Variants in RASAL2 observed in about 807,000 individuals in gnomAD.
RASAL2 encodes ras GTPase-activating protein nGAP.
RASAL2 carries 58 observed loss-of-function variants against 128.9 expected under a neutral mutation model. The ratio of observed to expected loss-of-function variants is 0.45; its 90% CI spans 0.36 to 0.56. The LOEUF (loss-of-function observed/expected upper bound fraction) is 0.56, where lower values mean the gene tolerates loss of function less well. Among genes scored for constraint, RASAL2 ranks in the 20% least tolerant of loss-of-function variants. The pLI is 0.00. For missense variants in RASAL2, 1,360 were observed against 1,601.6 expected (o/e 0.85, Z 2.57); for synonymous variants, 561 against 580.8 (o/e 0.97, Z 0.49).
chr1:178,472,978 A>G, intron 17 of RASAL2, 97 bp from the exon 18 acceptor site: 1 of 1,409,672 alleles, frequency 7.1e-7, no homozygotes, highest in Non-Finnish European at 9.9e-7. Flanking sequence ...CCATGCATAC[A>G]ACTGTTTGAG....
chr1:178,269,157 A>C (rs540297085), intron 1 of RASAL2, among the ~76,000 whole-genome samples: 1 of 152,340 alleles, frequency 6.6e-6, no homozygotes, highest in Non-Finnish European at 1.5e-5. Context: ...GAGAGGCTCC[A>C]GTGATCTCTC....
chr1:178,222,011 C>T (rs1663632162), intron 1 of RASAL2, among the ~76,000 whole-genome samples: 1 of 152,092 alleles, frequency 6.6e-6, no homozygotes, highest in African/African-American at 2.4e-5. Flanking sequence ...TTTCTTTACC[C>T]CTGATAATTT....
intron 12 of RASAL2, among the ~76,000 whole-genome samples, chr1:178,456,094 G>A (rs1677753909): frequency 6.6e-6 from 1 of 152,202 alleles, no homozygotes; most frequent in African/African-American, 2.4e-5. Flanking sequence ...TGATTTTGCT[G>A]TTAAATTAAC....
At chr1:178,209,671 C>A (rs1209015620) in intron 1 of RASAL2, among the ~76,000 whole-genome samples, 1 of 151,588 alleles carries the variant, frequency 6.6e-6, no homozygotes, top group South Asian at 2.1e-4. Context: ...CTGTTTATAT[C>A]TCCTTTTCTC....
chr1:178,389,008 G>A (rs1007453170), intron 3 of RASAL2, among the ~76,000 whole-genome samples: 1 of 152,216 alleles, frequency 6.6e-6, no homozygotes. Flanking sequence ...GAGAGGGAGC[G>A]AGAGAAAAAA....
chr1:178,270,126 T>G (rs1666176793), intron 1 of RASAL2, among the ~76,000 whole-genome samples: 1 of 152,234 alleles, frequency 6.6e-6, no homozygotes, highest in South Asian at 2.1e-4. Context: ...GTGTTGCTTT[T>G]GAGAAGTCCA....
chr1:178,110,661 T>A (rs1659285588), intron 1 of RASAL2, among the ~76,000 whole-genome samples: 1 of 147,738 alleles, frequency 6.8e-6, no homozygotes, highest in African/African-American at 2.5e-5. Flanking sequence ...TATGTATGTA[T>A]ACTGCAAACT....
intron 1 of RASAL2, 131 bp downstream of exon 1, chr1:178,094,825 C>T (rs1658612918): frequency 1.8e-6 from 2 of 1,124,572 alleles, no homozygotes; most frequent in East Asian, 2.6e-5. Context: ...CCTTTTTGTT[C>T]TGGGGGTGCA....
chr1:178,473,455 A>G lies in RASAL2; in HGVS notation c.*216A>G. The G allele has an allele frequency of 1.7e-6, 1 of 591,424 alleles. No individual in the cohort carries two copies. The allele number at this position is 591,424 out of a possible 1,614,324, so 36.6% of individuals were successfully genotyped here. A position where few individuals can be genotyped will look rare whatever the true frequency, so the allele number is the denominator to read the frequency against. On this transcript the variant is annotated 3_prime_UTR_variant, in exon 18 of 18. Coordinates refer to ENST00000367649, the MANE Select transcript of RASAL2 (RefSeq NM_170692.4). ...CCCCACATCTCTATGTACATAGGGA[A>G]CTTAGTTCTGGGCCATGTACAGAAA...
intron 3 of RASAL2, among the ~76,000 whole-genome samples, chr1:178,375,037 G>A (rs976358861): frequency 1.3e-5 from 2 of 152,216 alleles, no homozygotes; most frequent in East Asian, 3.9e-4. Context: ...TGGAGAAAAT[G>A]AAAATAAGGC....
At chr1:178,295,380 C>A (rs189991803) in intron 2 of RASAL2, among the ~76,000 whole-genome samples, 146 of 152,192 alleles carry the variant, frequency 9.6e-4, no homozygotes, top group African/African-American at 3.2e-3. Flanking sequence ...CCCTCACCCC[C>A]CAGCAGGCCC....
At chr1:178,158,117 G>A (rs549117338) in intron 1 of RASAL2, among the ~76,000 whole-genome samples, 1 of 152,256 alleles carries the variant, frequency 6.6e-6, no homozygotes, top group African/African-American at 2.4e-5. Flanking sequence ...GTATATACTT[G>A]ATTGCAAAAT....
chr1:178,281,819 C>T (rs915403085), intron 1 of RASAL2, among the ~76,000 whole-genome samples: 1 of 152,044 alleles, frequency 6.6e-6, no homozygotes, highest in Non-Finnish European at 1.5e-5. Context: ...AAAATTGTAA[C>T]CCATATTTTT....
intron 4 of RASAL2, among the ~76,000 whole-genome samples, chr1:178,397,470 G>A (rs1471555349): frequency 6.6e-6 from 1 of 152,198 alleles, no homozygotes; most frequent in South Asian, 2.1e-4. Flanking sequence ...CATGAGTTGG[G>A]TGAGGGAGAA....
chr1:178,404,870 C>G (rs527344974), intron 4 of RASAL2, among the ~76,000 whole-genome samples: 1 of 151,806 alleles, frequency 6.6e-6, no homozygotes, highest in African/African-American at 2.4e-5. Flanking sequence ...TTTGTAGAGA[C>G]GAGGTCTCAC....
intron 1 of RASAL2, among the ~76,000 whole-genome samples, chr1:178,095,677 A>G (rs1244020225): frequency 6.6e-6 from 1 of 152,180 alleles, no homozygotes; most frequent in Non-Finnish European, 1.5e-5. Context: ...TGAACAGGGT[A>G]TATGCTTACT....
At chr1:178,210,083 A>C (rs1224234706) in intron 1 of RASAL2, among the ~76,000 whole-genome samples, 1 of 151,452 alleles carries the variant, frequency 6.6e-6, no homozygotes, top group Non-Finnish European at 1.5e-5. Flanking sequence ...TTACTCTTCT[A>C]TTTTTATATT....
intron 4 of RASAL2, among the ~76,000 whole-genome samples, chr1:178,398,318 G>T (rs1210363890): frequency 2.6e-5 from 4 of 152,016 alleles, no homozygotes; most frequent in African/African-American, 9.7e-5. Context: ...TTTAATTTTT[G>T]CAAATTATCA....
rs1179361302 is a variant in RASAL2, at chr1:178,300,025, G to A, written c.364G>A (p.Asp122Asn). Residue 122 changes from aspartate to asparagine, a missense_variant, in exon 3 of 18, where the codon GAT becomes AAT. By Grantham distance (23) the Asp-to-Asn change is conservative. Around this residue, in one of 3 missense-constraint regions of RASAL2, gnomAD observed 617 missense variants for 714.2 expected, o/e 0.86. Transcript: ENST00000367649. ...GGAAGGGGGACAGGAGCAGCAGACAGATTCCACCAAAGGGCGATGCCTGAG... is the reference window on the plus strand; with the variant it reads ...GGAAGGGGGACAGGAGCAGCAGACAAATTCCACCAAAGGGCGATGCCTGAG... ...PVEGGQEQQT[D>N]STKGRCLRRT... 6.2e-7 allele frequency: 1 copy of A among 1,614,016 alleles called. No homozygotes were observed. The highest frequency in any genetic ancestry group is 8.5e-7 in the Non-Finnish European group (1 of 1,179,944).
Sources: gnomAD v4.1 joint callset for allele counts (sites outside exome capture counted in the v4.1 genomes callset) on GRCh38, gnomAD v4.1.1 for gene constraint, gnomAD v4.1.1 regional missense constraint, MANE v1.5 for transcripts, NCBI Gene and HGNC (gene_info 2026-07-23, HGNC 2026-07-21) for gene names.